CDH13: variants seen among roughly 807,000 people sequenced by gnomAD.
CDH13 encodes cadherin-13.
A neutral mutation model predicts 63.8 loss-of-function variants in CDH13; 24 were observed. The ratio of observed to expected loss-of-function variants is 0.38; its 90% CI spans 0.27 to 0.53. The LOEUF (loss-of-function observed/expected upper bound fraction) is 0.53. CDH13 is among the 20% of genes least tolerant of loss of function. The pLI is 0.85. For synonymous variants in CDH13, 503 were observed against 355.3 expected (o/e 1.42, Z -4.67); for missense variants, 1,049 against 903.1 (o/e 1.16, Z -2.07).
intron 1 of CDH13, among the ~76,000 whole-genome samples, chr16:82,752,265 G>A (rs904034552): frequency 6.6e-6 from 1 of 152,174 alleles, no homozygotes; most frequent in African/African-American, 2.4e-5. Flanking sequence ...AACTAATAGT[G>A]GATTTCTCCG....
rs1279025509 is a variant in CDH13, at chr16:83,000,137, G to A, written c.158-31873G>A. On this transcript the variant is annotated intron_variant, in intron 2 of 13. Coordinates refer to ENST00000567109, the MANE Select transcript of CDH13 (RefSeq NM_001257.5). The stretch of plus-strand genomic sequence containing the variant: ...GCGGAGCGTTTGGTACCTGGTAAGT[G>A]CTCAGTAAATGTCAGTCATTTTTAC... 4.1e-5 allele frequency among the ~76,000 whole-genome samples: 6 copies of A among 147,936 alleles called. No homozygotes were observed. In the Admixed American group the frequency reaches 4.1e-4, roughly 10 times the overall value.
intron 4 of CDH13, among the ~76,000 whole-genome samples, chr16:83,195,706 G>A (rs1199394767): frequency 6.6e-6 from 1 of 152,082 alleles, no homozygotes; most frequent in African/African-American, 2.4e-5. Context: ...CCAAACCATA[G>A]CAATATGTAA....
chr16:82,912,033 C>T (rs992663693), intron 2 of CDH13, among the ~76,000 whole-genome samples: 1 of 152,018 alleles, frequency 6.6e-6, no homozygotes, highest in Non-Finnish European at 1.5e-5. Flanking sequence ...CCTCAGAGCC[C>T]CAGCTCCCAC....
chr16:82,807,844 A>G (rs28494066), intron 1 of CDH13, among the ~76,000 whole-genome samples: 11,188 of 152,298 alleles, frequency 0.073, 484 homozygotes, highest in Middle Eastern at 0.11. Flanking sequence ...GACTTTTAAC[A>G]AACTTTATTT....
At chr16:82,916,159 C>T (rs1217883702) in intron 2 of CDH13, among the ~76,000 whole-genome samples, 1 of 152,120 alleles carries the variant, frequency 6.6e-6, no homozygotes, top group Non-Finnish European at 1.5e-5. Flanking sequence ...GTTTATTTGT[C>T]ACTTTCAATA....
At chr16:83,741,372 G>T (rs1208675215) in intron 10 of CDH13, among the ~76,000 whole-genome samples, 1 of 152,012 alleles carries the variant, frequency 6.6e-6, no homozygotes, top group African/African-American at 2.4e-5. Context: ...GTTTTACAGG[G>T]TTGTTTGTAT....
At chr16:83,385,756 C>T (rs1331409309) in intron 6 of CDH13, among the ~76,000 whole-genome samples, 1 of 152,128 alleles carries the variant, frequency 6.6e-6, no homozygotes, top group Non-Finnish European at 1.5e-5. Flanking sequence ...ATATGGGAAC[C>T]TCCTCACATT....
chr16:83,137,052 A>C (rs76135999), intron 4 of CDH13, among the ~76,000 whole-genome samples: 3,446 of 152,284 alleles, frequency 0.023, 138 homozygotes, highest in African/African-American at 0.079. Context: ...GGACCGTGAC[A>C]CTGGAAGGGG....
intron 5 of CDH13, among the ~76,000 whole-genome samples, chr16:83,234,639 C>T (rs185515550): frequency 1.8e-4 from 27 of 152,288 alleles, no homozygotes; most frequent in African/African-American, 6.0e-4. Flanking sequence ...TAAGTCTCCC[C>T]TGCCATGCCG....
intron 1 of CDH13, among the ~76,000 whole-genome samples, chr16:82,731,593 A>G (rs2033405415): frequency 6.6e-6 from 1 of 152,246 alleles, no homozygotes; most frequent in Non-Finnish European, 1.5e-5. Context: ...TTTATTTTCA[A>G]TCTTGCTTGT....
At chr16:82,991,726 C>T (rs1911681062) in intron 2 of CDH13, among the ~76,000 whole-genome samples, 1 of 152,116 alleles carries the variant, frequency 6.6e-6, no homozygotes, top group South Asian at 2.1e-4. Flanking sequence ...TCAAAGGACT[C>T]CTGATTTTGG....
At chr16:83,286,669 T>C (rs1055326930) in intron 5 of CDH13, among the ~76,000 whole-genome samples, 3 of 151,476 alleles carry the variant, frequency 2.0e-5, no homozygotes, top group South Asian at 4.2e-4. Flanking sequence ...GGCAGGAGAA[T>C]TACCTGAACC....
At chr16:82,703,947 A>G (rs1263121527) in intron 1 of CDH13, among the ~76,000 whole-genome samples, 1 of 152,158 alleles carries the variant, frequency 6.6e-6, no homozygotes, top group East Asian at 1.9e-4. Flanking sequence ...CTTTGCATTC[A>G]GCTTTGCTTT....
chr16:83,147,983 G>C (rs1396788637), intron 4 of CDH13, among the ~76,000 whole-genome samples: 4 of 152,120 alleles, frequency 2.6e-5, no homozygotes. Flanking sequence ...GCCCAGGCTG[G>C]AGTACAGTGG....
intron 10 of CDH13, among the ~76,000 whole-genome samples, chr16:83,731,806 T>G (rs986906994): frequency 6.6e-6 from 1 of 152,234 alleles, no homozygotes; most frequent in African/African-American, 2.4e-5. Context: ...GTATCCATTT[T>G]CTTTTTCTAG....
intron 9 of CDH13, among the ~76,000 whole-genome samples, chr16:83,674,481 A>G (rs1914786936): frequency 6.6e-6 from 1 of 152,206 alleles, no homozygotes; most frequent in Non-Finnish European, 1.5e-5. Flanking sequence ...ATTTCCCGTG[A>G]TGTTTCATTG....
chr16:83,050,684 C>T (rs917657352), intron 3 of CDH13, among the ~76,000 whole-genome samples: 3 of 152,000 alleles, frequency 2.0e-5, no homozygotes, highest in Admixed American at 6.6e-5. Context: ...ACCTCAGGTC[C>T]ATCGTGTCTA....
At chr16:83,072,445 C>G (rs2032508721) in intron 3 of CDH13, among the ~76,000 whole-genome samples, 1 of 152,160 alleles carries the variant, frequency 6.6e-6, no homozygotes, top group Admixed American at 6.5e-5. Context: ...AGGATTCTAA[C>G]TCACCATTGG....
intron 10 of CDH13, chr16:83,728,981 A>T (rs372946048): frequency 1.3e-5 from 2 of 152,894 alleles, no homozygotes; most frequent in African/African-American, 4.8e-5. Flanking sequence ...ATGTAGCCTC[A>T]TTTCCTTGGG....
Sources: allele counts gnomAD v4.1 joint callset (sites outside exome capture counted in the v4.1 genomes callset), GRCh38; gene constraint gnomAD v4.1.1; transcripts MANE v1.5; gene names NCBI Gene and HGNC (gene_info 2026-07-23, HGNC 2026-07-21).